CTNNA2: variants seen among roughly 807,000 people sequenced by gnomAD.
CTNNA2 encodes catenin alpha-2.
CTNNA2 carries 42 observed loss-of-function variants against 101.0 expected under a neutral mutation model. The observed-to-expected ratio is 0.42, with a 90% CI of 0.32 to 0.54. CTNNA2 has a LOEUF of 0.54. Ranked by LOEUF, CTNNA2 falls within the 20% of genes least tolerant of loss-of-function variation. The probability of loss-of-function intolerance (pLI) is 0.14; values close to 1 mark genes in which losing one functional copy is unlikely to be tolerated. For missense variants in CTNNA2, 871 were observed against 1,223.1 expected (o/e 0.71, Z 4.29); for synonymous variants, 450 against 456.4 (o/e 0.99, Z 0.18).
chr2:80,244,126 T>A (rs537812851), intron 7 of CTNNA2, among the ~76,000 whole-genome samples: 4 of 152,304 alleles, frequency 2.6e-5, no homozygotes, highest in African/African-American at 9.6e-5. Context: ...TACAAATAAC[T>A]AAAGAAGAAC....
intron 7 of CTNNA2, among the ~76,000 whole-genome samples, chr2:80,099,771 C>T (rs1280714124): frequency 1.6e-5 from 2 of 124,314 alleles, no homozygotes. Context: ...AAAAAAAAAA[C>T]ATTTATCAAA....
In CTNNA2 at chr2:79,698,924, G is replaced by A. The variant is rs926188920; in HGVS notation, c.103-45463G>A. Among the ~76,000 whole-genome samples the A allele has an allele frequency of 3.9e-5, 6 of 152,042 alleles. 1 individual carries two copies. The highest frequency in any genetic ancestry group is 8.8e-5 in the Non-Finnish European group (6 of 67,980). On this transcript the variant is annotated intron_variant, in intron 2 of 18. Transcript: ENST00000402739. ...GGGCAGTCTTCTACTAGCCTGTCAC[G>A]TTTGCTGAAGTTTATCAAAAGTGAG...
At chr2:80,191,881 A>G (rs1706527026) in intron 7 of CTNNA2, among the ~76,000 whole-genome samples, 1 of 152,210 alleles carries the variant, frequency 6.6e-6, no homozygotes, top group Admixed American at 6.5e-5. Context: ...AGATAACCAA[A>G]CATGGACATC....
intron 3 of CTNNA2, among the ~76,000 whole-genome samples, chr2:79,314,536 G>A (rs181572076): frequency 2.6e-5 from 4 of 152,224 alleles, no homozygotes; most frequent in African/African-American, 9.6e-5. Flanking sequence ...GTAGTAATAA[G>A]GCTCAGAGAA....
At chr2:80,232,371 TTTTTTTTTTTTTTTTTTG>T (rs1709299297) in intron 7 of CTNNA2, among the ~76,000 whole-genome samples, 2 of 64,504 alleles carry the variant, frequency 3.1e-5, no homozygotes, top group African/African-American at 7.7e-5. Context: ...TTTTTTTTTT[TTTTTTTTTTTTTTTTTTG>T]TTAACACTAG....
intron 1 of CTNNA2, among the ~76,000 whole-genome samples, chr2:79,528,367 A>G (rs559001431): frequency 9.3e-4 from 141 of 152,014 alleles, no homozygotes; most frequent in African/African-American, 3.3e-3. Context: ...GTATGCCACC[A>G]TGCTTGGCTG....
At position 80,303,640 on chromosome 2, in the gene CTNNA2, C is replaced by T. The variant is rs746976094; in HGVS notation, c.1057-89571C>T. The stretch of plus-strand genomic sequence containing the variant: ...CCAGCAGGCCGGACAGGTTGTGGGG[C>T]GCCTCGGTGAGGTTGAGCGCCTCGC... On this transcript the variant is annotated intron_variant, in intron 7 of 18. Coordinates refer to ENST00000402739, the MANE Select transcript of CTNNA2 (RefSeq NM_001282597.3). This position sits in a 1 kb window ranked among gnomAD's most constrained non-coding sequence, Gnocchi z 7.7. 3 of 1,613,340 alleles carry T rather than the reference C, an allele frequency of 1.9e-6. No individual in the cohort carries two copies. The East Asian group carries it at 6.7e-5, about 36-fold the overall frequency.
intron 1 of CTNNA2, among the ~76,000 whole-genome samples, chr2:79,546,839 A>T (rs911116112): frequency 6.6e-6 from 1 of 152,122 alleles, no homozygotes; most frequent in Non-Finnish European, 1.5e-5. Flanking sequence ...CTACAATAGC[A>T]TTTTTATTTA....
At chr2:79,487,360 A>G (rs74861359) in intron 4 of CTNNA2, among the ~76,000 whole-genome samples, 2,744 of 152,302 alleles carry the variant, frequency 0.018, 100 homozygotes, top group East Asian at 0.13. Flanking sequence ...GCTGCTTCTC[A>G]TATAAAAAGT....
intron 9 of CTNNA2, among the ~76,000 whole-genome samples, chr2:80,461,622 A>G (rs915014092): frequency 1.3e-5 from 2 of 152,134 alleles, no homozygotes; most frequent in African/African-American, 4.8e-5. Context: ...GGTGCAATAA[A>G]TGTCCTTATA....
At chr2:80,036,848 TGAGAGAGAGA>T (rs71965090) in intron 7 of CTNNA2, among the ~76,000 whole-genome samples, 27 of 120,234 alleles carry the variant, frequency 2.2e-4, no homozygotes, top group East Asian at 1.9e-3. Flanking sequence ...TGTGTGTGTG[TGAGAGAGAGA>T]GAGAGAGAGA....
chr2:80,228,729 G>A (rs1191719890), intron 7 of CTNNA2, among the ~76,000 whole-genome samples: 3 of 152,208 alleles, frequency 2.0e-5, no homozygotes, highest in South Asian at 4.1e-4. Context: ...TGCACATTGA[G>A]GACAATTAAA....
chr2:79,391,081 C>T (rs1051218357), intron 4 of CTNNA2, among the ~76,000 whole-genome samples: 1 of 152,148 alleles, frequency 6.6e-6, no homozygotes, highest in African/African-American at 2.4e-5. Flanking sequence ...CCTACTTTCC[C>T]CATTCCTCTG....
At chr2:79,973,603 C>A (rs1166669079) in intron 7 of CTNNA2, among the ~76,000 whole-genome samples, 1 of 152,032 alleles carries the variant, frequency 6.6e-6, no homozygotes, top group East Asian at 1.9e-4. Context: ...GGTGTGTCAA[C>A]CTAAAAAACA....
At chr2:79,508,526 A>C (rs1429894972), upstream of CTNNA2, among the ~76,000 whole-genome samples, 4 of 152,192 alleles carry the variant, frequency 2.6e-5, no homozygotes, top group Admixed American at 2.6e-4. Context: ...TTCTTTTTAA[A>C]GAAAAAGATT....
chr2:80,455,685 G>A (rs997813578), intron 9 of CTNNA2, among the ~76,000 whole-genome samples: 12 of 152,162 alleles, frequency 7.9e-5, no homozygotes, highest in Admixed American at 2.0e-4. Flanking sequence ...CACCAAGATG[G>A]TGGTGACTAA....
At chr2:80,155,600 A>G (rs1332691487) in intron 7 of CTNNA2, among the ~76,000 whole-genome samples, 2 of 152,040 alleles carry the variant, frequency 1.3e-5, no homozygotes, top group African/African-American at 2.4e-5. Context: ...ATCAAACTCA[A>G]TGGAAGTTGG....
intron 1 of CTNNA2, among the ~76,000 whole-genome samples, chr2:79,644,327 C>T (rs1464338488): frequency 6.6e-6 from 1 of 152,120 alleles, no homozygotes; most frequent in Non-Finnish European, 1.5e-5. Context: ...CGTAAGCCAC[C>T]GTGCCTGGCC....
intron 1 of CTNNA2, among the ~76,000 whole-genome samples, chr2:79,569,749 TAGGCTC>T (rs1214248021): frequency 1.3e-5 from 2 of 152,222 alleles, no homozygotes; most frequent in African/African-American, 2.4e-5. Context: ...AAAACATATG[TAGGCTC>T]AGGCTTTACT....
Sources: allele counts gnomAD v4.1 joint callset (sites outside exome capture counted in the v4.1 genomes callset), GRCh38; gene constraint gnomAD v4.1.1; non-coding constraint Gnocchi (gnomAD v3.1); transcripts MANE v1.5; gene names NCBI Gene and HGNC (gene_info 2026-07-23, HGNC 2026-07-21).